The following ANXA4 variants were observed in gnomAD, a reference collection of about 807,000 sequenced individuals.
ANXA4 encodes annexin A4.
In ANXA4, 39 loss-of-function variants were observed where a neutral mutation model predicts 49.8. The observed-to-expected ratio is 0.78, with a 90% confidence interval of 0.61 to 1.02. The LOEUF (loss-of-function observed/expected upper bound fraction) is 1.02, where lower values mean the gene tolerates loss of function less well. ANXA4 is among the 50% of genes least tolerant of loss of function. ANXA4 has a pLI of 0.00. For missense variants in ANXA4, 360 were observed against 410.1 expected (o/e 0.88, Z 1.05); for synonymous variants, 134 against 152.5 (o/e 0.88, Z 0.89).
chr2:69,767,403 A>G (rs1055414981), intron 1 of ANXA4, among the ~76,000 whole-genome samples: 19 of 152,118 alleles, frequency 1.2e-4, no homozygotes, highest in South Asian at 6.2e-4. Context: ...GAACTTTGCT[A>G]TTGTGGTTGG....
intron 1 of ANXA4, among the ~76,000 whole-genome samples, chr2:69,649,603 CTT>C (rs766975640): frequency 1.7e-3 from 120 of 70,640 alleles, no homozygotes; most frequent in East Asian, 6.0e-3. Flanking sequence ...GATTTTCTTT[CTT>C]TTTTTTTTTT....
chr2:69,675,743 T>C (rs1451478458), intron 2 of ANXA4, among the ~76,000 whole-genome samples: 1 of 152,150 alleles, frequency 6.6e-6, no homozygotes, highest in African/African-American at 2.4e-5. Flanking sequence ...GCCACTGATC[T>C]GTATGCTTAA....
Position 69,762,645 on chromosome 2 carries a change from G to A in ANXA4, c.-46-18875G>A, listed in dbSNP as rs116801390. On this transcript the variant is annotated intron_variant, in intron 1 of 12. Transcript: ENST00000394295. ...AACTCCTAGCATGGATTTCTGCTAG[G>A]GTGCTTCTCACTGATCATGCCTCCT... Among the ~76,000 whole-genome samples, 1,044 of 152,130 alleles carry A rather than the reference G, an allele frequency of 6.9e-3. 13 individuals carry two copies. Among genetic ancestry groups the A allele is most frequent in the African/African-American group, 0.024 (989 of 41,484 alleles).
chr2:69,768,797 C>T (rs1671595226), intron 1 of ANXA4, among the ~76,000 whole-genome samples: 1 of 152,128 alleles, frequency 6.6e-6, no homozygotes. Context: ...GGCAGAAGGT[C>T]AGGTGCAGTG....
chr2:69,793,921 A>G (rs923464350), intron 3 of ANXA4, among the ~76,000 whole-genome samples: 1 of 152,228 alleles, frequency 6.6e-6, no homozygotes, highest in African/African-American at 2.4e-5. Flanking sequence ...AGAGAAAAAC[A>G]TAAAGGCCTT....
chr2:69,803,267 C>T (rs977442138), intron 3 of ANXA4: 8 of 152,000 alleles, frequency 5.3e-5, no homozygotes, highest in African/African-American at 1.9e-4. Flanking sequence ...TTCCTCTCCA[C>T]ACCTCACATC....
At chr2:69,817,506 C>A (rs1674051861) in intron 9 of ANXA4, 1 of 152,006 alleles carries the variant, frequency 6.6e-6, no homozygotes, top group Non-Finnish European at 1.5e-5. Flanking sequence ...TTCTTTGATT[C>A]CAAGCCACAC....
intron 1 of ANXA4, among the ~76,000 whole-genome samples, chr2:69,649,604 T>C (rs1329926789): frequency 2.0e-5 from 2 of 97,642 alleles, no homozygotes; most frequent in Non-Finnish European, 3.8e-5. Flanking sequence ...ATTTTCTTTC[T>C]TTTTTTTTTT....
intron 2 of ANXA4, among the ~76,000 whole-genome samples, chr2:69,668,923 C>T (rs767351645): frequency 4.6e-5 from 7 of 150,594 alleles, no homozygotes; most frequent in African/African-American, 1.5e-4. Context: ...ACTTTATTTC[C>T]ATTCCTTTTG....
rs555929285 is a variant in ANXA4, at chr2:69,675,939, A to G, written n.766+22657A>G. The stretch of plus-strand genomic sequence containing the variant: ...GGAGAATGGTGTGAACCCGGAAGGC[A>G]GAGCTTGCAGTGAGCCGAGATTGTG... On this transcript the variant is annotated intron_variant and non_coding_transcript_variant, in intron 2 of 3. Transcript: ENST00000418066. 1.5e-4 allele frequency among the ~76,000 whole-genome samples: 22 copies of G among 151,588 alleles called. No homozygotes were observed. The East Asian group carries it at 4.3e-3, about 29-fold the overall frequency.
intron 2 of ANXA4, among the ~76,000 whole-genome samples, chr2:69,701,058 G>T (rs1559091559): frequency 6.6e-6 from 1 of 151,852 alleles, no homozygotes; most frequent in Admixed American, 6.6e-5. Flanking sequence ...TATTTTTAGT[G>T]GAGACGGGGT....
At chr2:69,792,799 A>G (rs1297542279) in intron 3 of ANXA4, among the ~76,000 whole-genome samples, 1 of 152,204 alleles carries the variant, frequency 6.6e-6, no homozygotes, top group African/African-American at 2.4e-5. Flanking sequence ...AGTAATTTTT[A>G]ACTTTAATGT....
At chr2:69,672,771 C>A (rs1439791740) in intron 2 of ANXA4, among the ~76,000 whole-genome samples, 1 of 151,968 alleles carries the variant, frequency 6.6e-6, no homozygotes, top group Non-Finnish European at 1.5e-5. Context: ...ACAGTTTCAA[C>A]AGTGTTAATC....
At chr2:69,715,241 G>T (rs200449734) in intron 2 of ANXA4, among the ~76,000 whole-genome samples, 2 of 151,936 alleles carry the variant, frequency 1.3e-5, no homozygotes, top group East Asian at 3.9e-4. Context: ...ATGGAGTCTC[G>T]CTCTGTCACC....
At chr2:69,756,051 T>C (rs1226218840) in intron 1 of ANXA4, among the ~76,000 whole-genome samples, 1 of 152,256 alleles carries the variant, frequency 6.6e-6, no homozygotes, top group Non-Finnish European at 1.5e-5. Flanking sequence ...CATTAGTAAC[T>C]TGAAATTGGT....
At chr2:69,740,130 G>T (rs1249200903), upstream of ANXA4, among the ~76,000 whole-genome samples, 7 of 152,134 alleles carry the variant, frequency 4.6e-5, no homozygotes, top group East Asian at 1.2e-3. Flanking sequence ...CCTAGTAAAG[G>T]TTATTTACGC....
At chr2:69,703,470 T>G (rs1414586709) in intron 2 of ANXA4, among the ~76,000 whole-genome samples, 1 of 152,228 alleles carries the variant, frequency 6.6e-6, no homozygotes, top group Non-Finnish European at 1.5e-5. Context: ...TTTGTCTCTA[T>G]GGATTCCCAA....
chr2:69,803,354 T>C (rs750139669), intron 3 of ANXA4: 1 of 152,144 alleles, frequency 6.6e-6, no homozygotes, highest in Non-Finnish European at 1.5e-5. Context: ...ATATTTTCAA[T>C]AGAATCATTT....
rs183690868 is a variant in ANXA4, at chr2:69,762,021, C to T, written c.-46-19499C>T. ...ATGCTTGACATGTGCCCTACACATA[C>T]AATGGTTGAACAATGTAGCCCTACC... On this transcript the variant is annotated intron_variant, in intron 1 of 12. Transcript: ENST00000394295. 1.7e-3 allele frequency among the ~76,000 whole-genome samples: 252 copies of T among 152,256 alleles called. 1 individual carries two copies. Among genetic ancestry groups the T allele is most frequent in the African/African-American group, 6.1e-3 (252 of 41,556 alleles).
Sources: allele counts gnomAD v4.1 joint callset (sites outside exome capture counted in the v4.1 genomes callset), GRCh38; gene constraint gnomAD v4.1.1; transcripts MANE v1.5; gene names NCBI Gene and HGNC (gene_info 2026-07-23, HGNC 2026-07-21).